The following IGF2BP3 variants were observed in gnomAD, a reference collection of about 807,000 sequenced individuals.
The protein encoded by IGF2BP3 is insulin-like growth factor 2 mRNA-binding protein 3.
Under a neutral mutation model 73.8 loss-of-function variants are expected in IGF2BP3, and 9 were observed. That is an observed-to-expected ratio of 0.12 (90% CI 0.07 to 0.21). The LOEUF (loss-of-function observed/expected upper bound fraction) is 0.21. IGF2BP3 is among the 10% of genes least tolerant of loss of function. IGF2BP3 has a pLI of 1.00. For synonymous variants in IGF2BP3, 258 were observed against 256.7 expected (o/e 1.01, Z -0.05); for missense variants, 542 against 714.0 (o/e 0.76, Z 2.75).
intron 3 of IGF2BP3, among the ~76,000 whole-genome samples, chr7:23,406,831 G>A (rs1257378857): frequency 6.6e-6 from 1 of 152,112 alleles, no homozygotes; most frequent in Non-Finnish European, 1.5e-5. Flanking sequence ...GTGCTGATTG[G>A]TGTGTTTACA....
At chr7:23,317,432 A>C (rs1784021612) in intron 12 of IGF2BP3, among the ~76,000 whole-genome samples, 1 of 152,248 alleles carries the variant, frequency 6.6e-6, no homozygotes, top group South Asian at 2.1e-4. Context: ...AGAGACAGGT[A>C]AATCCAGCAA....
chr7:23,429,091 A>G (rs913042865), intron 2 of IGF2BP3, among the ~76,000 whole-genome samples: 1 of 152,188 alleles, frequency 6.6e-6, no homozygotes, highest in African/African-American at 2.4e-5. Context: ...CAGAAAAAGT[A>G]CAGAGAGACT....
intron 3 of IGF2BP3, among the ~76,000 whole-genome samples, chr7:23,389,710 C>G (rs1364432811): frequency 1.3e-5 from 2 of 151,522 alleles, no homozygotes; most frequent in East Asian, 3.9e-4. Context: ...AATAAATGGT[C>G]AGGCTGGGTG....
intron 2 of IGF2BP3, among the ~76,000 whole-genome samples, chr7:23,421,896 T>C (rs1787359076): frequency 6.6e-6 from 1 of 152,104 alleles, no homozygotes; most frequent in South Asian, 2.1e-4. Flanking sequence ...GGGATTCTCC[T>C]GCCTCTTCCT....
intron 5 of IGF2BP3, among the ~76,000 whole-genome samples, chr7:23,358,370 C>T (rs1046702478): frequency 4.6e-5 from 7 of 152,224 alleles, no homozygotes; most frequent in African/African-American, 1.4e-4. Context: ...AAAGATTGAG[C>T]TTTGGGTGGC....
chr7:23,325,097 A>G (rs1784258377), intron 10 of IGF2BP3, among the ~76,000 whole-genome samples: 1 of 152,048 alleles, frequency 6.6e-6, no homozygotes, highest in African/African-American at 2.4e-5. Context: ...GAAGGAAATA[A>G]AGGGTATTCA....
chr7:23,388,327 T>G (rs1468720196), intron 3 of IGF2BP3, among the ~76,000 whole-genome samples: 1 of 152,204 alleles, frequency 6.6e-6, no homozygotes, highest in Non-Finnish European at 1.5e-5. Context: ...GAAGAAAAAC[T>G]TTCTCCTTTA....
chr7:23,344,205 T>G (rs1001744157), intron 8 of IGF2BP3, among the ~76,000 whole-genome samples: 3 of 152,222 alleles, frequency 2.0e-5, no homozygotes, highest in Admixed American at 1.3e-4. Context: ...ATGTATAGTT[T>G]TTGAGGAAAC....
chr7:23,384,399 C>T lies in IGF2BP3; in HGVS notation c.286-22658G>A, dbSNP rs896325499. On this transcript the variant is annotated intron_variant, in intron 3 of 14. Transcript: ENST00000258729. Reference sequence around the variant, plus strand: ...TTGTGGTAGTATGTATTTGTGAATACACTAAAAACCACTGATTTGTACACT... The same window carrying T: ...TTGTGGTAGTATGTATTTGTGAATATACTAAAAACCACTGATTTGTACACT... Among the ~76,000 whole-genome samples, 4 of 152,152 alleles carry T rather than the reference C, an allele frequency of 2.6e-5. No homozygotes were observed. In the South Asian group the frequency reaches 6.2e-4, roughly 24 times the overall value.
chr7:23,456,714 T>C (rs115616484), intron 2 of IGF2BP3, among the ~76,000 whole-genome samples: 1,874 of 150,874 alleles, frequency 0.012, 35 homozygotes, highest in African/African-American at 0.042. Context: ...TGAAAGAAGC[T>C]CTTTGTTGTC....
chr7:23,314,219 G>C (rs899079502), intron 12 of IGF2BP3, among the ~76,000 whole-genome samples: 1 of 141,128 alleles, frequency 7.1e-6, no homozygotes, highest in South Asian at 2.2e-4. Flanking sequence ...GTCTTACTTT[G>C]TTGCCCAGGC....
intron 2 of IGF2BP3, among the ~76,000 whole-genome samples, chr7:23,448,185 G>A (rs991410211): frequency 2.0e-5 from 3 of 152,114 alleles, no homozygotes; most frequent in African/African-American, 7.2e-5. Flanking sequence ...AAATGTTGAT[G>A]GGGTCCTGAA....
intron 5 of IGF2BP3, among the ~76,000 whole-genome samples, chr7:23,354,757 G>A (rs1390438990): frequency 2.0e-5 from 3 of 152,216 alleles, no homozygotes; most frequent in African/African-American, 7.2e-5. Flanking sequence ...CTAGTCCCCA[G>A]TGTACCTTCT....
chr7:23,447,353 G>C (rs941794835), intron 2 of IGF2BP3, among the ~76,000 whole-genome samples: 14 of 151,844 alleles, frequency 9.2e-5, no homozygotes, highest in African/African-American at 3.4e-4. Flanking sequence ...AAGGATTACA[G>C]GTCGCTCATG....
intron 2 of IGF2BP3, among the ~76,000 whole-genome samples, chr7:23,454,222 A>G (rs1027502214): frequency 1.1e-4 from 16 of 152,142 alleles, no homozygotes; most frequent in African/African-American, 3.9e-4. Flanking sequence ...CTTTGGAATT[A>G]GGAATTCATC....
intron 3 of IGF2BP3, among the ~76,000 whole-genome samples, chr7:23,417,599 G>A (rs1787228749): frequency 6.6e-6 from 1 of 152,038 alleles, no homozygotes; most frequent in Admixed American, 6.6e-5. Flanking sequence ...TTCATAGAAA[G>A]CTACATCATA....
At chr7:23,354,043 G>T (rs1000402013) in intron 5 of IGF2BP3, among the ~76,000 whole-genome samples, 1 of 152,010 alleles carries the variant, frequency 6.6e-6, no homozygotes, top group African/African-American at 2.4e-5. Flanking sequence ...GCCCAGGCTG[G>T]AGCACAGTGG....
chr7:23,322,237 G>A (rs922312977), intron 10 of IGF2BP3, among the ~76,000 whole-genome samples: 4 of 152,190 alleles, frequency 2.6e-5, no homozygotes, highest in African/African-American at 9.7e-5. Context: ...GGAGCTGATG[G>A]AGCTGAAAAC....
chr7:23,368,343 A>AAAGAAAG (rs1785444088), intron 3 of IGF2BP3, among the ~76,000 whole-genome samples: 3 of 137,924 alleles, frequency 2.2e-5, no homozygotes, highest in Admixed American at 7.6e-5. Context: ...AAGAAAGAAA[A>AAAGAAAG]AAAGAAAGAA....
Sources: gnomAD v4.1 joint callset for allele counts (sites outside exome capture counted in the v4.1 genomes callset) on GRCh38, gnomAD v4.1.1 for gene constraint, MANE v1.5 for transcripts, NCBI Gene and HGNC (gene_info 2026-07-23, HGNC 2026-07-21) for gene names.